The following SCO1 variants were observed in gnomAD, a reference collection of about 807,000 sequenced individuals.
SCO1 encodes the protein synthesis of cytochrome C oxidase 1.
Under a neutral mutation model 34.0 loss-of-function variants are expected in SCO1, and 23 were observed. The ratio of observed to expected loss-of-function variants is 0.68; its 90% CI spans 0.49 to 0.96. The LOEUF is 0.96. Among genes scored for constraint, SCO1 ranks in the 40% least tolerant of loss-of-function variants. SCO1 has a pLI of 0.00. For synonymous variants in SCO1, 161 were observed against 145.5 expected (o/e 1.11, Z -0.77); for missense variants, 404 against 381.6 (o/e 1.06, Z -0.49).
At chr17:10,681,963 C>T (rs1244907973) in intron 5 of SCO1, among the ~76,000 whole-genome samples, 2 of 152,184 alleles carry the variant, frequency 1.3e-5, no homozygotes, top group Non-Finnish European at 2.9e-5. Context: ...GAAATCAATC[C>T]ATCACCTGGA....
Position 10,679,538 on chromosome 17 carries a change from TTGTC to T in SCO1, c.*1577_*1580del, listed in dbSNP as rs1156933269. 1.3e-5 allele frequency: 2 copies of T among 152,154 alleles called. No homozygotes were observed. Among genetic ancestry groups the T allele is most frequent in the Non-Finnish European group, 2.9e-5 (2 of 68,030 alleles). The allele number at this position is 152,154 out of a possible 1,614,324, so 9.4% of individuals were successfully genotyped here. ...AAACATATCATGTAAAAAGAATCTG[TTGTC>T]TATCTAGGCATTATATTTGTTGCAT... On this transcript the variant is annotated 3_prime_UTR_variant, in exon 6 of 6. Transcript: ENST00000255390.
At chr17:10,688,616 TG>T (rs2074671310) in intron 4 of SCO1, among the ~76,000 whole-genome samples, 1 of 152,192 alleles carries the variant, frequency 6.6e-6, no homozygotes, top group Non-Finnish European at 1.5e-5. Flanking sequence ...ACCTACTATA[TG>T]ATCTAACCAT....
At chr17:10,681,698 T>G (rs894652545) in intron 5 of SCO1, among the ~76,000 whole-genome samples, 41 of 152,198 alleles carry the variant, frequency 2.7e-4, no homozygotes, top group African/African-American at 9.9e-4. Flanking sequence ...GAATTAAGTG[T>G]TGGTGAAAAA....
chr17:10,691,591 C>T (rs1159587608), intron 4 of SCO1, among the ~76,000 whole-genome samples: 1 of 152,220 alleles, frequency 6.6e-6, no homozygotes, highest in East Asian at 1.9e-4. Context: ...TGTCCTTACT[C>T]TCAATTCAAG....
Position 10,675,254 on chromosome 17 carries a change from C to G in SCO1, c.*5865G>C, listed in dbSNP as rs1189106403. The stretch of plus-strand genomic sequence containing the variant: ...GGCCCACTCTCCTACCATCTGCCTC[C>G]TGCTGTTGCTGAAGCTTGCTGACAC... On this transcript the variant is annotated 3_prime_UTR_variant, in exon 6 of 6. Transcript: ENST00000255390. 2.0e-5 allele frequency: 3 copies of G among 152,582 alleles called. No homozygotes were observed. The highest frequency in any genetic ancestry group is 4.4e-5 in the Non-Finnish European group (3 of 68,166). The allele number at this position is 152,582 out of a possible 1,614,324, so 9.5% of individuals were successfully genotyped here.
intron 3 of SCO1, 148 bp downstream of exon 3, chr17:10,692,616 A>C (rs2074696525): frequency 2.8e-6 from 2 of 703,116 alleles, no homozygotes; most frequent in South Asian, 3.4e-5. Context: ...CACAAGATTC[A>C]AAGCAACAAA....
chr17:10,695,963 A>T (rs1029671815), intron 1 of SCO1, 132 bp from the exon 2 acceptor site: 9 of 637,280 alleles, frequency 1.4e-5, no homozygotes, highest in African/African-American at 1.1e-4. Flanking sequence ...TGTTTCAGGG[A>T]TGAGAAAATG....
At position 10,697,512 on chromosome 17, in the gene SCO1, C is replaced by T; in HGVS notation, c.-5G>A. The T allele has an allele frequency of 2.5e-6, 4 of 1,613,244 alleles. No homozygotes were observed. The highest frequency in any genetic ancestry group is 3.4e-6 in the Non-Finnish European group (4 of 1,179,900). On this transcript the variant is annotated 5_prime_UTR_variant, in exon 1 of 6. Transcript: ENST00000255390. ...TACTAGGACCAGCATCGCCATGAGCCTCGGAGACCGGGTCTCCTTTGACCC... is the reference window on the plus strand; with the variant it reads ...TACTAGGACCAGCATCGCCATGAGCTTCGGAGACCGGGTCTCCTTTGACCC...
Position 10,680,879 on chromosome 17 carries a change from T to A in SCO1, c.*240A>T. 1 of 550,318 alleles carries A rather than the reference T, an allele frequency of 1.8e-6. No homozygotes were observed. The highest frequency in any genetic ancestry group is 3.2e-6 in the Non-Finnish European group (1 of 309,030). The allele number at this position is 550,318 out of a possible 1,614,324, so 34.1% of individuals were successfully genotyped here. On this transcript the variant is annotated 3_prime_UTR_variant, in exon 6 of 6. Coordinates refer to ENST00000255390, the MANE Select transcript of SCO1 (RefSeq NM_004589.4). ...GGCTCTTCACTGGCTTCACTTCAGC[T>A]TGATCCTCTGGTCTCCCCACAGCTT...
chr17:10,672,531 C>T lies in SCO1; in HGVS notation c.*8588G>A, dbSNP rs914541673. On this transcript the variant is annotated 3_prime_UTR_variant, in exon 6 of 6. Coordinates refer to ENST00000255390, the MANE Select transcript of SCO1 (RefSeq NM_004589.4). ...TATTACAATTCACCCTTTTAAAGTG[C>T]GCAGTTCAGTGAGTTTTCACAGATG... The T allele has an allele frequency of 1.1e-4, 16 of 151,990 alleles. No homozygotes were observed. Among genetic ancestry groups the T allele is most frequent in the Admixed American group, 7.9e-4 (12 of 15,252 alleles). 9.4% of individuals were successfully genotyped at this position (151,990 alleles called of 1,614,324 possible). A position where few individuals can be genotyped will look rare whatever the true frequency, so the allele number is the denominator to read the frequency against.
chr17:10,695,153 G>C (rs2074713699), intron 2 of SCO1, among the ~76,000 whole-genome samples: 1 of 152,166 alleles, frequency 6.6e-6, no homozygotes, highest in Admixed American at 6.5e-5. Context: ...CATCCACAGA[G>C]GGCATGCAGT....
rs1300276109 is a variant in SCO1, at chr17:10,681,219, G to A, written c.806C>T (p.Pro269Leu). 1.2e-5 allele frequency: 20 copies of A among 1,613,968 alleles called. No homozygotes were observed. The highest frequency in any genetic ancestry group is 1.5e-5 in the Non-Finnish European group (18 of 1,179,948). The change falls in exon 6 of 6, where the codon CCA becomes CTA. Residue 269 changes from proline (P) to leucine (L), a missense_variant. Physicochemically the swap from Pro to Leu is moderately conservative, Grantham distance 98. Transcript: ENST00000255390. Reference sequence around the variant, plus strand: ...AAAATAATCTAGAAACTCACCATCTGGTCCAATCAAGTACATTATTATTGT... The same window carrying A: ...AAAATAATCTAGAAACTCACCATCTAGTCCAATCAAGTACATTATTATTGT... The part of the protein sequence containing the change: ...DHTIIMYLIG[P>L]DGEFLDYFGQ...
rs979481228 is a variant in SCO1, at chr17:10,675,917, T to C, written c.*5202A>G. On this transcript the variant is annotated 3_prime_UTR_variant, in exon 6 of 6. Transcript: ENST00000255390. The stretch of plus-strand genomic sequence containing the variant: ...CATGGACAAAGTCACATGTATGACA[T>C]GGAGACAACACATCCCCACAACGAA... 6.6e-6 allele frequency: 1 copy of C among 152,150 alleles called. No homozygotes were observed. Among genetic ancestry groups the C allele is most frequent in the African/African-American group, 2.4e-5 (1 of 41,414 alleles). 9.4% of individuals were successfully genotyped at this position (152,150 alleles called of 1,614,324 possible).
Position 10,686,529 on chromosome 17 carries a change from C to A in SCO1, c.771+198G>T, listed in dbSNP as rs543715416. The stretch of plus-strand genomic sequence containing the variant: ...TCTGGGAGGCGGAGGTTGCAGTGAG[C>A]GAAGATTGTGCCACTGCACTCCAGC... On this transcript the variant is annotated intron_variant, in intron 5 of 5. Transcript: ENST00000255390. Among the ~76,000 whole-genome samples, 6 of 147,314 alleles carry A rather than the reference C, an allele frequency of 4.1e-5. No homozygotes were observed. In the South Asian group the frequency reaches 8.6e-4, roughly 21 times the overall value.
chr17:10,674,987 A>G lies in SCO1; in HGVS notation c.*6132T>C, dbSNP rs1048729689. The G allele has an allele frequency of 7.2e-5, 11 of 152,300 alleles. No homozygotes were observed. The highest frequency in any genetic ancestry group is 2.4e-4 in the African/African-American group (10 of 41,436). The allele number at this position is 152,300 out of a possible 1,614,324, so 9.4% of individuals were successfully genotyped here. ...CTGCTGCTCACCACAGCAGCCAACA[A>G]GGAATGTGCCCACTCTCCCCTTCAG... On this transcript the variant is annotated 3_prime_UTR_variant, in exon 6 of 6. Transcript: ENST00000255390.
At chr17:10,683,421 T>C (rs536033244) in intron 5 of SCO1, among the ~76,000 whole-genome samples, 3 of 152,286 alleles carry the variant, frequency 2.0e-5, no homozygotes, top group Admixed American at 2.0e-4. Context: ...ATCTCTTGCA[T>C]AAAAAGTATA....
At chr17:10,682,831 G>A (rs1280381446) in intron 5 of SCO1, among the ~76,000 whole-genome samples, 1 of 152,130 alleles carries the variant, frequency 6.6e-6, no homozygotes, top group African/African-American at 2.4e-5. Context: ...CATGAAACAG[G>A]TATTCTCCTC....
Position 10,677,584 on chromosome 17 carries a change from T to TA in SCO1, c.*3534dup, listed in dbSNP as rs1163244752. 9.2e-5 allele frequency: 14 copies of TA among 152,236 alleles called. No individual in the cohort carries two copies. Among genetic ancestry groups the TA allele is most frequent in the African/African-American group, 3.4e-4 (14 of 41,474 alleles). The allele number at this position is 152,236 out of a possible 1,614,324, so 9.4% of individuals were successfully genotyped here. Reference sequence around the variant, plus strand: ...AGACGCATTTACAATTTAAAATCATTAGCCTCCCAACTCGCATATTTTACT... The same window carrying TA: ...AGACGCATTTACAATTTAAAATCATTAAGCCTCCCAACTCGCATATTTTACT... On this transcript the variant is annotated 3_prime_UTR_variant, in exon 6 of 6. Coordinates refer to ENST00000255390, the MANE Select transcript of SCO1 (RefSeq NM_004589.4).
chr17:10,674,447 CA>C lies in SCO1; in HGVS notation c.*6671del, dbSNP rs1034905463. On this transcript the variant is annotated 3_prime_UTR_variant, in exon 6 of 6. Coordinates refer to ENST00000255390, the MANE Select transcript of SCO1 (RefSeq NM_004589.4). ...ATCTCAAAACAAACAAACAAACAAACAAAAAAACAGACTGTGATTGAGGAGA... is the reference window on the plus strand; with the variant it reads ...ATCTCAAAACAAACAAACAAACAAACAAAAAACAGACTGTGATTGAGGAGA... 15 of 286,972 alleles carry C rather than the reference CA, an allele frequency of 5.2e-5. No homozygotes were observed. The highest frequency in any genetic ancestry group is 2.2e-4 in the South Asian group (7 of 31,950). 17.8% of individuals were successfully genotyped at this position (286,972 alleles called of 1,614,324 possible).
Sources: allele counts gnomAD v4.1 joint callset (sites outside exome capture counted in the v4.1 genomes callset), GRCh38; gene constraint gnomAD v4.1.1; transcripts MANE v1.5; gene names NCBI Gene and HGNC (gene_info 2026-07-23, HGNC 2026-07-21).